Variants in MYO5B observed in about 807,000 individuals in gnomAD.
The protein encoded by MYO5B is unconventional myosin-Vb.
MYO5B carries 143 observed loss-of-function variants against 229.3 expected under a neutral mutation model. The ratio of observed to expected loss-of-function variants is 0.62; its 90% CI spans 0.54 to 0.72. MYO5B has a LOEUF of 0.72. MYO5B is among the 30% of genes least tolerant of loss of function. The probability of loss-of-function intolerance (pLI) is 0.00; values close to 1 mark genes in which losing one functional copy is unlikely to be tolerated. For missense variants in MYO5B, 2,321 were observed against 2,331.0 expected, an observed-to-expected ratio of 1.00 and a Z score of 0.09; for synonymous variants, 918 against 885.2, an observed-to-expected ratio of 1.04 and a Z score of -0.66.
intron 6 of MYO5B, among the ~76,000 whole-genome samples, chr18:49,991,096 G>T (rs1315181644): frequency 6.6e-6 from 1 of 152,162 alleles, no homozygotes; most frequent in African/African-American, 2.4e-5. Flanking sequence ...GAAGCTCCAG[G>T]GGTGTCCAGG....
intron 1 of MYO5B, among the ~76,000 whole-genome samples, chr18:50,183,012 C>G (rs1315230943): frequency 6.6e-6 from 1 of 152,000 alleles, no homozygotes; most frequent in African/African-American, 2.4e-5. Context: ...AATTGCGTAC[C>G]CAAAACAAAG....
chr18:49,838,771 C>T (rs897051789), intron 36 of MYO5B, among the ~76,000 whole-genome samples: 2 of 152,164 alleles, frequency 1.3e-5, no homozygotes, highest in Non-Finnish European at 2.9e-5. Flanking sequence ...TGTGTCCTTT[C>T]GCATGAACAC....
At chr18:49,969,729 G>A (rs1230949591) in intron 10 of MYO5B, 2 of 152,216 alleles carry the variant, frequency 1.3e-5, no homozygotes, top group African/African-American at 4.8e-5. Context: ...AATAGAGTTG[G>A]ATGCTAATTT....
chr18:50,061,401 C>T (rs534330906), intron 1 of MYO5B, among the ~76,000 whole-genome samples: 1 of 152,206 alleles, frequency 6.6e-6, no homozygotes, highest in East Asian at 1.9e-4. Context: ...TCGAGAAATC[C>T]TGATGGGATT....
At chr18:50,189,410 C>T (rs2033197817) in intron 1 of MYO5B, among the ~76,000 whole-genome samples, 1 of 152,214 alleles carries the variant, frequency 6.6e-6, no homozygotes, top group Non-Finnish European at 1.5e-5. Flanking sequence ...TACTTTAGAG[C>T]TGTTCCATTC....
intron 9 of MYO5B, among the ~76,000 whole-genome samples, chr18:49,977,349 C>T (rs1170261198): frequency 6.6e-6 from 1 of 151,932 alleles, no homozygotes; most frequent in African/African-American, 2.4e-5. Context: ...CCAAGGCAAC[C>T]CTGGCAGTCA....
Position 49,825,001 on chromosome 18 carries a change from C to T in MYO5B, c.*1470G>A, listed in dbSNP as rs760319591. ...GTGGAGTGTGCTGTGTTTCCAAGAG[C>T]CTTTTAAGTTGGGTGGTTGAGTAAA... On this transcript the variant is annotated 3_prime_UTR_variant, in exon 40 of 40. Coordinates refer to ENST00000285039, the MANE Select transcript of MYO5B (RefSeq NM_001080467.3). 4.6e-5 allele frequency: 7 copies of T among 152,208 alleles called. No individual in the cohort carries two copies. Among genetic ancestry groups the T allele is most frequent in the Non-Finnish European group, 1.0e-4 (7 of 68,058 alleles). The allele number at this position is 152,208 out of a possible 1,614,324, so 9.4% of individuals were successfully genotyped here.
At chr18:50,106,174 C>G (rs1473221921) in intron 1 of MYO5B, among the ~76,000 whole-genome samples, 1 of 152,096 alleles carries the variant, frequency 6.6e-6, no homozygotes, top group African/African-American at 2.4e-5. Flanking sequence ...CCAAGCAGAT[C>G]TCCCGATTCT....
chr18:49,961,327 A>G (rs2025556631), intron 12 of MYO5B, among the ~76,000 whole-genome samples: 1 of 152,324 alleles, frequency 6.6e-6, no homozygotes, highest in East Asian at 1.9e-4. Context: ...GTGAAATGCT[A>G]AAAACCTTCA....
intron 27 of MYO5B, among the ~76,000 whole-genome samples, chr18:49,869,795 C>T (rs11659307): frequency 6.6e-6 from 1 of 151,646 alleles, no homozygotes; most frequent in African/African-American, 2.4e-5. Flanking sequence ...CCTATCCCAG[C>T]CTTCTGATTC....
At chr18:49,826,661 C>T (rs1819022843) in intron 39 of MYO5B, 38 bp from the exon 40 acceptor site, 1 of 1,610,550 alleles carries the variant, frequency 6.2e-7, no homozygotes, top group Admixed American at 1.7e-5. Context: ...GTTTGAGTAC[C>T]CCTAAAAATA....
At chr18:50,043,734 A>C (rs1371137908) in intron 2 of MYO5B, among the ~76,000 whole-genome samples, 1 of 147,748 alleles carries the variant, frequency 6.8e-6, no homozygotes, top group Admixed American at 7.0e-5. Context: ...AGCCATAAAA[A>C]GGAATGAATG....
intron 17 of MYO5B, among the ~76,000 whole-genome samples, chr18:49,914,941 G>A (rs1030744913): frequency 2.6e-5 from 4 of 152,082 alleles, no homozygotes; most frequent in African/African-American, 9.7e-5. Context: ...CGGCCCTTGG[G>A]TTCCTAGGAG....
intron 22 of MYO5B, among the ~76,000 whole-genome samples, chr18:49,884,505 C>G (rs2024622168): frequency 6.6e-6 from 1 of 151,818 alleles, no homozygotes; most frequent in African/African-American, 2.4e-5. Flanking sequence ...GATCATCAGG[C>G]ATTAGAGTCT....
intron 1 of MYO5B, among the ~76,000 whole-genome samples, chr18:50,137,150 G>A (rs545169332): frequency 1.3e-4 from 20 of 152,320 alleles, no homozygotes; most frequent in African/African-American, 4.3e-4. Flanking sequence ...CAGTGGCCAC[G>A]AGGGCAGTTT....
At chr18:50,056,299 G>A (rs2030548107) in intron 1 of MYO5B, among the ~76,000 whole-genome samples, 1 of 152,160 alleles carries the variant, frequency 6.6e-6, no homozygotes, top group Non-Finnish European at 1.5e-5. Flanking sequence ...CACCTGGGGA[G>A]CCTGGAAAAT....
chr18:50,048,662 C>T (rs2030304518), intron 2 of MYO5B, among the ~76,000 whole-genome samples: 2 of 152,158 alleles, frequency 1.3e-5, no homozygotes, highest in East Asian at 3.9e-4. Flanking sequence ...GGTATCATCT[C>T]TGCCACCCTA....
chr18:49,962,115 A>T, intron 12 of MYO5B, 151 bp downstream of exon 12: 2 of 967,492 alleles, frequency 2.1e-6, no homozygotes, highest in Non-Finnish European at 3.3e-6. Context: ...ACAGAATGGT[A>T]CATGCTTCTA....
intron 1 of MYO5B, among the ~76,000 whole-genome samples, chr18:50,161,538 G>A (rs915168094): frequency 6.6e-6 from 1 of 151,388 alleles, no homozygotes; most frequent in Non-Finnish European, 1.5e-5. Flanking sequence ...GGGGTGGGGG[G>A]GCACAGGAGT....
Sources: gnomAD v4.1 joint callset for allele counts (sites outside exome capture counted in the v4.1 genomes callset) on GRCh38, gnomAD v4.1.1 for gene constraint, MANE v1.5 for transcripts, NCBI Gene and HGNC (gene_info 2026-07-23, HGNC 2026-07-21) for gene names.